The following GPC5 variants were observed in gnomAD, a reference collection of about 807,000 sequenced individuals.
The protein encoded by GPC5 is glypican-5.
Under a neutral mutation model 53.9 loss-of-function variants are expected in GPC5, and 47 were observed. The ratio of observed to expected loss-of-function variants is 0.87; its 90% CI spans 0.69 to 1.11. The LOEUF (loss-of-function observed/expected upper bound fraction) is 1.11. GPC5 is among the 50% of genes most tolerant of loss of function. The pLI, the probability that GPC5 is intolerant of heterozygous loss-of-function variation, is 0.00. For missense variants in GPC5, 748 were observed against 713.1 expected (o/e 1.05, Z -0.56); for synonymous variants, 286 against 263.3 (o/e 1.09, Z -0.84).
intron 7 of GPC5, among the ~76,000 whole-genome samples, chr13:92,361,194 A>G (rs72638665): frequency 0.19 from 29,327 of 151,680 alleles, 3,260 homozygotes; most frequent in South Asian, 0.35. Flanking sequence ...TAAAGGAAAA[A>G]AAACAATGGA....
chr13:92,799,691 G>A (rs1876830484), intron 7 of GPC5, among the ~76,000 whole-genome samples: 1 of 151,632 alleles, frequency 6.6e-6, no homozygotes, highest in African/African-American at 2.4e-5. Flanking sequence ...CCAATGCCTG[G>A]GTTTGACTGT....
intron 6 of GPC5, among the ~76,000 whole-genome samples, chr13:91,940,235 A>G (rs1360587943): frequency 1.3e-5 from 2 of 152,156 alleles, no homozygotes; most frequent in Non-Finnish European, 2.9e-5. Flanking sequence ...ACAAGTGAGA[A>G]CATGTGGTAT....
chr13:92,656,483 G>T (rs1008823830), intron 7 of GPC5, among the ~76,000 whole-genome samples: 1 of 152,274 alleles, frequency 6.6e-6, no homozygotes, highest in Non-Finnish European at 1.5e-5. Context: ...CACCCAAGAT[G>T]AAGGGCAGGG....
intron 4 of GPC5, among the ~76,000 whole-genome samples, chr13:91,737,516 G>A (rs1000075213): frequency 4.0e-5 from 6 of 151,244 alleles, no homozygotes; most frequent in Admixed American, 3.9e-4. Flanking sequence ...TGAAAAAATA[G>A]GAATTGTAAA....
intron 3 of GPC5, among the ~76,000 whole-genome samples, chr13:91,699,368 C>T (rs567563152): frequency 9.2e-5 from 14 of 152,228 alleles, no homozygotes; most frequent in Admixed American, 2.6e-4. Flanking sequence ...ACCTCATAGA[C>T]GAAGCCCATG....
At chr13:92,355,041 T>C (rs1249011274) in intron 7 of GPC5, among the ~76,000 whole-genome samples, 1 of 151,486 alleles carries the variant, frequency 6.6e-6, no homozygotes, top group Non-Finnish European at 1.5e-5. Flanking sequence ...CTGCATAATA[T>C]GCAGATTAGC....
chr13:92,272,535 G>C (rs1025003778), intron 7 of GPC5, among the ~76,000 whole-genome samples: 2 of 152,166 alleles, frequency 1.3e-5, no homozygotes, highest in African/African-American at 4.8e-5. Context: ...CCGGACAGGT[G>C]CAGGAGAAAT....
chr13:92,414,758 T>C (rs569407646), intron 7 of GPC5, among the ~76,000 whole-genome samples: 28 of 152,216 alleles, frequency 1.8e-4, no homozygotes, highest in African/African-American at 6.5e-4. Context: ...AGAAAGGCAG[T>C]GGTAGATTGA....
At chr13:91,616,920 C>G (rs1342582328) in intron 2 of GPC5, among the ~76,000 whole-genome samples, 1 of 152,030 alleles carries the variant, frequency 6.6e-6, no homozygotes, top group African/African-American at 2.4e-5. Context: ...CACACTGATT[C>G]TGATTTTCCT....
intron 5 of GPC5, among the ~76,000 whole-genome samples, chr13:91,782,948 A>C (rs1305520403): frequency 6.6e-6 from 1 of 152,160 alleles, no homozygotes; most frequent in African/African-American, 2.4e-5. Context: ...TAAGAAAAAT[A>C]AAAGTTTTTT....
At chr13:91,532,228 G>A (rs990753945) in intron 2 of GPC5, among the ~76,000 whole-genome samples, 1 of 152,164 alleles carries the variant, frequency 6.6e-6, no homozygotes, top group Non-Finnish European at 1.5e-5. Context: ...CGATTAAATT[G>A]CAAATGGTAT....
intron 2 of GPC5, among the ~76,000 whole-genome samples, chr13:91,489,523 GTT>G (rs1883812486): frequency 6.8e-6 from 1 of 147,438 alleles, no homozygotes; most frequent in Non-Finnish European, 1.5e-5. Flanking sequence ...ATATGGTTAA[GTT>G]AGGTCCAACA....
chr13:92,387,343 A>C (rs1204644569), intron 7 of GPC5, among the ~76,000 whole-genome samples: 1 of 152,128 alleles, frequency 6.6e-6, no homozygotes, highest in African/African-American at 2.4e-5. Context: ...CTAAACTATC[A>C]TGTTGCGTAG....
chr13:91,449,823 A>G (rs1026931507), intron 2 of GPC5, among the ~76,000 whole-genome samples: 1 of 152,150 alleles, frequency 6.6e-6, no homozygotes, highest in African/African-American at 2.4e-5. Context: ...TATTACTACA[A>G]TAAAATAGCT....
chr13:91,606,747 G>A (rs1461988470), intron 2 of GPC5, among the ~76,000 whole-genome samples: 7 of 151,934 alleles, frequency 4.6e-5, no homozygotes, highest in African/African-American at 1.4e-4. Context: ...TTGCGTAGAG[G>A]TGTTTGTAGT....
intron 4 of GPC5, 114 bp downstream of exon 4, chr13:91,728,779 A>C: frequency 3.8e-6 from 4 of 1,054,974 alleles, no homozygotes; most frequent in Non-Finnish European, 5.1e-6. Flanking sequence ...CAAAAAAAAA[A>C]AGGATCAATA....
intron 6 of GPC5, among the ~76,000 whole-genome samples, chr13:91,974,488 A>G (rs9583980): frequency 0.022 from 3,181 of 147,190 alleles, 50 homozygotes; most frequent in Middle Eastern, 0.042. Flanking sequence ...GACAAACAGA[A>G]AGCCAAATCA....
intron 7 of GPC5, among the ~76,000 whole-genome samples, chr13:92,160,852 C>T (rs1282325321): frequency 6.6e-6 from 1 of 152,134 alleles, no homozygotes; most frequent in Admixed American, 6.5e-5. Flanking sequence ...AATTCCAAGT[C>T]TCTCTCCTTC....
chr13:92,165,309 G>C (rs1033123165), intron 7 of GPC5, among the ~76,000 whole-genome samples: 1 of 152,014 alleles, frequency 6.6e-6, no homozygotes, highest in African/African-American at 2.4e-5. Context: ...TCATATCTTT[G>C]TAAATGAATA....
Sources: allele counts gnomAD v4.1 joint callset (sites outside exome capture counted in the v4.1 genomes callset), GRCh38; gene constraint gnomAD v4.1.1; transcripts MANE v1.5; gene names NCBI Gene and HGNC (gene_info 2026-07-23, HGNC 2026-07-21).